Variants in BOD1L1 observed in about 807,000 individuals in gnomAD.
The protein encoded by BOD1L1 is biorientation of chromosomes in cell division protein 1-like 1.
A neutral mutation model predicts 240.7 loss-of-function variants in BOD1L1; 86 were observed. The ratio of observed to expected loss-of-function variants is 0.36; its 90% CI spans 0.30 to 0.43. The LOEUF is 0.43. BOD1L1 is among the 20% of genes least tolerant of loss of function. The probability of loss-of-function intolerance (pLI) is 1.00; values close to 1 mark genes in which losing one functional copy is unlikely to be tolerated. For missense variants in BOD1L1, 3,554 were observed against 3,643.5 expected, an observed-to-expected ratio of 0.98 and a Z score of 0.63; for synonymous variants, 1,268 against 1,272.3, an observed-to-expected ratio of 1.00 and a Z score of 0.07.
Position 13,601,169 on chromosome 4 carries a change from C to G in BOD1L1, c.5731G>C (p.Val1911Leu), listed in dbSNP as rs199927242. ...GCCTCAGCTTCCACATGCTCTACCA[C>G]AGTACCAATCTGACTGTCCCCTTCT... ...SAEGDSQIGT[V>L]VEHVEAEAGA... The change falls in exon 10 of 26, where the codon GTG (valine) becomes CTG (leucine). Residue 1911 changes from valine (V) to leucine (L), a missense_variant. Around this residue, in one of 2 missense-constraint regions of BOD1L1, gnomAD observed 3,393 missense variants for 3,427.1 expected, o/e 0.99. Transcript: ENST00000040738. The G allele has an allele frequency of 2.5e-4, 406 of 1,614,036 alleles. No individual in the cohort carries two copies. Among genetic ancestry groups the G allele is most frequent in the Non-Finnish European group, 3.3e-4 (391 of 1,179,906 alleles).
chr4:13,592,039 A>G, intron 12 of BOD1L1, 73 bp from the exon 13 acceptor site: 1 of 1,192,098 alleles, frequency 8.4e-7, no homozygotes, highest in East Asian at 2.6e-5. Flanking sequence ...AAATTTGAAG[A>G]TTTTTAGGAT....
intron 2 of BOD1L1, among the ~76,000 whole-genome samples, chr4:13,617,059 A>G (rs971656113): frequency 2.6e-5 from 4 of 152,116 alleles, no homozygotes; most frequent in African/African-American, 9.7e-5. Context: ...ATCCTGGCCA[A>G]CATGGTGAAA....
chr4:13,621,547 G>A (rs1032039221), intron 1 of BOD1L1, among the ~76,000 whole-genome samples: 1 of 152,058 alleles, frequency 6.6e-6, no homozygotes, highest in African/African-American at 2.4e-5. Context: ...GCTACCATTC[G>A]AGCAATTCTT....
chr4:13,595,444 C>G (rs552268523), intron 12 of BOD1L1, among the ~76,000 whole-genome samples: 40 of 152,228 alleles, frequency 2.6e-4, no homozygotes, highest in African/African-American at 9.1e-4. Context: ...ATCTGTGCAG[C>G]CACTGGGGAA....
chr4:13,611,668 G>T (rs1490823332), intron 5 of BOD1L1, among the ~76,000 whole-genome samples: 1 of 152,222 alleles, frequency 6.6e-6, no homozygotes, highest in Non-Finnish European at 1.5e-5. Context: ...CTATCTCTCA[G>T]CCTAACAGCC....
rs1449562099 is a variant in BOD1L1, at chr4:13,604,328, T to C, written c.2572A>G (p.Lys858Glu). ...CTCTGTAATGTGATACCATGTTGCT[T>C]GGAACCCAGAGAATCTTTCTGAATT... is the stretch of plus-strand genomic sequence containing the variant. ...SKIQKDSLGSKQHGITLQRRS... is the reference protein window; with the variant it reads ...SKIQKDSLGSEQHGITLQRRS... Residue 858 changes from lysine to glutamate, a missense_variant, in exon 10 of 26, where the codon AAG (lysine) becomes GAG (glutamate). Physicochemically the swap from Lys to Glu is moderately conservative, Grantham distance 56. Around this residue, in one of 2 missense-constraint regions of BOD1L1, gnomAD observed 3,393 missense variants for 3,427.1 expected, o/e 0.99. Coordinates refer to ENST00000040738, the MANE Select transcript of BOD1L1 (RefSeq NM_148894.3). 1.3e-6 allele frequency: 2 copies of C among 1,588,484 alleles called. No individual in the cohort carries two copies. The highest frequency in any genetic ancestry group is 2.4e-5 in the South Asian group (2 of 84,950).
At chr4:13,584,609 T>C (rs1713526266) in intron 17 of BOD1L1, among the ~76,000 whole-genome samples, 1 of 152,122 alleles carries the variant, frequency 6.6e-6, no homozygotes, top group Admixed American at 6.6e-5. Context: ...CTTCAAACCA[T>C]TGGACGAACT....
At chr4:13,597,941 A>G (rs1714754503) in intron 10 of BOD1L1, among the ~76,000 whole-genome samples, 1 of 152,214 alleles carries the variant, frequency 6.6e-6, no homozygotes, top group Admixed American at 6.5e-5. Flanking sequence ...GATGATGGCT[A>G]AGGTCTATTT....
At chr4:13,597,822 A>G (rs1344131358) in intron 10 of BOD1L1, among the ~76,000 whole-genome samples, 1 of 152,236 alleles carries the variant, frequency 6.6e-6, no homozygotes, top group African/African-American at 2.4e-5. Flanking sequence ...ATTCAACAGA[A>G]ACTTGTAAAG....
At chr4:13,617,269 GA>G (rs1716688274) in intron 2 of BOD1L1, among the ~76,000 whole-genome samples, 1 of 139,566 alleles carries the variant, frequency 7.2e-6, no homozygotes, top group South Asian at 2.2e-4. Context: ...ATAGAAAATA[GA>G]AAAAAAAGTA....
Position 13,614,335 on chromosome 4 carries a change from T to C in BOD1L1, c.1035A>G (p.Lys345=). ...KKEKKEKTEK[K]FDHSKKSEDT... ...CTTCACTCTTTTTTGAGTGATCAAA[T>C]TTCTTTTCAGTCTTTTCCTTCTTTT... The change falls in exon 4 of 26, where the codon AAA becomes AAG. Residue 345 remains lysine, a synonymous_variant. Transcript: ENST00000040738. 6.4e-7 allele frequency: 1 copy of C among 1,550,804 alleles called. No individual in the cohort carries two copies. Among genetic ancestry groups the C allele is most frequent in the Non-Finnish European group, 8.7e-7 (1 of 1,146,874 alleles).
In BOD1L1 at chr4:13,599,924, C is replaced by T. The variant is rs541123232; in HGVS notation, c.6976G>A (p.Asp2326Asn). The change falls in exon 10 of 26, where the codon GAT becomes AAT. Residue 2326 changes from aspartate (D) to asparagine (N), a missense_variant. Asp to Asn is a conservative substitution (Grantham distance 23). Coordinates refer to ENST00000040738, the MANE Select transcript of BOD1L1 (RefSeq NM_148894.3). ...LTITRVEDLS[D>N]AAIISTSTAE... The stretch of plus-strand genomic sequence containing the variant: ...GTGCTGGTGGAGATGATGGCAGCAT[C>T]GCTCAAGTCTTCTACTCTTGTGATG... 178 of 1,613,506 alleles carry T rather than the reference C, an allele frequency of 1.1e-4. 2 individuals carry two copies. The highest frequency in any genetic ancestry group is 2.0e-4 in the South Asian group (18 of 90,966).
chr4:13,599,529 T>G lies in BOD1L1; in HGVS notation c.7371A>C (p.Ile2457=). The change falls in exon 10 of 26, where the codon ATA becomes ATC. Residue 2457 remains isoleucine, a synonymous_variant. Coordinates refer to ENST00000040738, the MANE Select transcript of BOD1L1 (RefSeq NM_148894.3). ...RGQKESTLHL[I]NAEEKNVLLN... ...ACAATACATTCTTCTCTTCTGCATT[T>G]ATGAGGTGTAAAGTGCTCTCTTTCT... is the stretch of plus-strand genomic sequence containing the variant. 6.2e-7 allele frequency: 1 copy of G among 1,614,068 alleles called. No homozygotes were observed. Among genetic ancestry groups the G allele is most frequent in the Non-Finnish European group, 8.5e-7 (1 of 1,179,902 alleles).
intron 12 of BOD1L1, 37 bp from the exon 13 acceptor site, chr4:13,592,003 A>G (rs1714258147): frequency 2.0e-6 from 3 of 1,477,722 alleles, no homozygotes; most frequent in African/African-American, 1.4e-5. Context: ...AAGAAACTGA[A>G]TATTGTTTCT....
At chr4:13,583,769 G>A (rs1233323164) in intron 17 of BOD1L1, among the ~76,000 whole-genome samples, 1 of 152,096 alleles carries the variant, frequency 6.6e-6, no homozygotes, top group Non-Finnish European at 1.5e-5. Context: ...GTTTTTTGTT[G>A]TGGTTATTTT....
chr4:13,592,235 A>G lies in BOD1L1; in HGVS notation c.8105-269T>C, dbSNP rs539963906. ...AGTGGTATATTACATCACTATGGTG[A>G]TTTAACTATGTTGGTGATCTGAAGC... On this transcript the variant is annotated intron_variant, in intron 12 of 25. Transcript: ENST00000040738. 68 of 362,300 alleles carry G rather than the reference A, an allele frequency of 1.9e-4. No homozygotes were observed. The East Asian group carries it at 3.1e-3, about 17-fold the overall frequency. 22.4% of individuals were successfully genotyped at this position (362,300 alleles called of 1,614,324 possible).
chr4:13,600,727 T>G lies in BOD1L1; in HGVS notation c.6173A>C (p.Gln2058Pro). 1.2e-6 allele frequency: 2 copies of G among 1,614,054 alleles called. No homozygotes were observed. The highest frequency in any genetic ancestry group is 1.7e-6 in the Non-Finnish European group (2 of 1,179,890). ...ATTTTTACCCCCTGCTAAGCTATTC[T>G]GGTTGGTAATATCACCACTGGCTGT... ...ATTASGDITN[Q>P]NSLAGGKNQG... Residue 2058 changes from glutamine (Q) to proline (P), a missense_variant, in exon 10 of 26, where the codon CAG becomes CCG. By Grantham distance (76) the Gln-to-Pro change is moderately conservative (BLOSUM62 -1). Around this residue, in one of 2 missense-constraint regions of BOD1L1, gnomAD observed 3,393 missense variants for 3,427.1 expected, o/e 0.99. Coordinates refer to ENST00000040738, the MANE Select transcript of BOD1L1 (RefSeq NM_148894.3).
Position 13,599,972 on chromosome 4 carries a change from G to C in BOD1L1, c.6928C>G (p.Leu2310Val). Residue 2310 changes from leucine (L) to valine (V), a missense_variant, in exon 10 of 26, where the codon CTC (leucine) becomes GTC (valine). This residue lies in a region of BOD1L1 where 3,393 missense variants were observed against 3,427.1 expected (regional missense o/e 0.99). Coordinates refer to ENST00000040738, the MANE Select transcript of BOD1L1 (RefSeq NM_148894.3). ...GCEAVMIGAV[L>V]QDEDRLTITR... ...ATGGTGAGCCGATCTTCATCCTGGA[G>C]GACAGCACCAATCATGACTGCTTCA... 3 of 1,611,674 alleles carry C rather than the reference G, an allele frequency of 1.9e-6. 1 individual carries two copies. The Middle Eastern group carries it at 5.0e-4, about 266-fold the overall frequency.
chr4:13,603,402 T>C lies in BOD1L1; in HGVS notation c.3498A>G (p.Glu1166=). The change falls in exon 10 of 26, where the codon GAA becomes GAG. Residue 1166 remains glutamate (E), a synonymous_variant. Transcript: ENST00000040738. ...QKTSATVQKD[E]LRTCTADSKA... ...TTGAATCTGCTGTGCAAGTTCTCAA[T>C]TCATCCTTTTGAACAGTGGCAGAAG... 1 of 1,613,962 alleles carries C rather than the reference T, an allele frequency of 6.2e-7. No homozygotes were observed. Among genetic ancestry groups the C allele is most frequent in the Non-Finnish European group, 8.5e-7 (1 of 1,179,886 alleles).
Sources: allele counts gnomAD v4.1 joint callset (sites outside exome capture counted in the v4.1 genomes callset), GRCh38; gene constraint gnomAD v4.1.1; regional missense constraint gnomAD v4.1.1; transcripts MANE v1.5; gene names NCBI Gene and HGNC (gene_info 2026-07-23, HGNC 2026-07-21).